OVCH1: variants seen among roughly 807,000 people sequenced by gnomAD.
The protein encoded by OVCH1 is ovochymase-1.
Under a neutral mutation model 138.4 loss-of-function variants are expected in OVCH1, and 139 were observed. That is an observed-to-expected ratio of 1.00 (90% confidence interval 0.87 to 1.16). The LOEUF (loss-of-function observed/expected upper bound fraction) is 1.16. Ranked by LOEUF, OVCH1 falls within the 50% of genes most tolerant of loss-of-function variation. The pLI, the probability that OVCH1 is intolerant of heterozygous loss-of-function variation, is 0.00. For synonymous variants in OVCH1, 453 were observed against 467.8 expected (o/e 0.97, Z 0.41); for missense variants, 1,367 against 1,357.9 (o/e 1.01, Z -0.11).
At chr12:29,466,023 C>G (rs1447142053) in intron 16 of OVCH1, among the ~76,000 whole-genome samples, 3 of 145,056 alleles carry the variant, frequency 2.1e-5, no homozygotes, top group African/African-American at 7.7e-5. Context: ...CGCATGTTCT[C>G]ACTCGTAGGT....
intron 22 of OVCH1, among the ~76,000 whole-genome samples, chr12:29,445,936 C>T (rs1481185764): frequency 1.3e-5 from 2 of 152,060 alleles, no homozygotes; most frequent in African/African-American, 4.8e-5. Context: ...TAGGATCAAA[C>T]TCTTCTAAAC....
Position 29,417,791 on chromosome 12 carries a change from GTGTC to G in OVCH1, c.*72-5070_*72-5067del, listed in dbSNP as rs979553620. Among the ~76,000 whole-genome samples, 16 of 139,520 alleles carry G rather than the reference GTGTC, an allele frequency of 1.1e-4. No individual in the cohort carries two copies. In the East Asian group the frequency reaches 2.3e-3, roughly 20 times the overall value. 91.5% of individuals were successfully genotyped at this position (139,520 alleles called of 152,430 possible). A position where few individuals can be genotyped will look rare whatever the true frequency, so the allele number is the denominator to read the frequency against. On this transcript the variant is annotated intron_variant and NMD_transcript_variant, in intron 3 of 4. Coordinates refer to the OVCH1 transcript ENST00000539117. Reference sequence around the variant, plus strand: ...TGTGTGTGTGTGTGTGTGTGTGTGTGTGTCTGTGTCTGTGTGTGTTTTAAGCAAC... The same window carrying G: ...TGTGTGTGTGTGTGTGTGTGTGTGTGTGTGTCTGTGTGTGTTTTAAGCAAC...
At chr12:29,486,316 C>A (rs755429258) in exon 8 of OVCH1, 3 of 1,613,738 alleles carry the variant, frequency 1.9e-6, no homozygotes, top group South Asian at 1.1e-5. Flanking sequence ...TACCTTGAGC[C>A]CACTTTTGAG....
At chr12:29,476,716 T>C (rs868741926) in intron 12 of OVCH1, among the ~76,000 whole-genome samples, 3 of 150,956 alleles carry the variant, frequency 2.0e-5, no homozygotes, top group Non-Finnish European at 4.4e-5. Context: ...TATTTTTCAG[T>C]GACCAAGGCA....
At chr12:29,464,570 T>C in exon 18 of OVCH1, 1 of 1,613,642 alleles carries the variant, frequency 6.2e-7, no homozygotes, top group African/African-American at 1.3e-5. Flanking sequence ...GGCTCTGCGC[T>C]GTGTGGGAGA....
downstream of OVCH1, chr12:29,427,538 T>G: frequency 6.4e-7 from 1 of 1,550,432 alleles, no homozygotes; most frequent in South Asian, 1.2e-5. Flanking sequence ...GGCCTCTTCC[T>G]CCATGTGAGG....
At chr12:29,432,837 C>T (rs181402699) in intron 27 of OVCH1, among the ~76,000 whole-genome samples, 2 of 152,068 alleles carry the variant, frequency 1.3e-5, no homozygotes, top group Non-Finnish European at 2.9e-5. Flanking sequence ...TTTTTGGAGA[C>T]CAAAACAAGT....
At chr12:29,447,376 C>A (rs887407456) in intron 22 of OVCH1, among the ~76,000 whole-genome samples, 4 of 152,056 alleles carry the variant, frequency 2.6e-5, no homozygotes, top group Non-Finnish European at 5.9e-5. Context: ...ATTAAATTGA[C>A]ATATTAGGTT....
At chr12:29,429,109 CTTTAA>C (rs1359911740) in intron 27 of OVCH1, among the ~76,000 whole-genome samples, 1 of 152,170 alleles carries the variant, frequency 6.6e-6, no homozygotes, top group Non-Finnish European at 1.5e-5. Context: ...CTTTTCTCCA[CTTTAA>C]TTTATCTGAG....
Position 29,438,477 on chromosome 12 carries a change from AT to A in OVCH1, c.3264+850del, listed in dbSNP as rs1333573571. On this transcript the variant is annotated intron_variant, in intron 26 of 27. Transcript: ENST00000318184. ...TCTTCATCCCTCCAGAAAAAAAAAA[AT>A]TCCATTGGGATTTAGTTGGAAAATA... 6.8e-5 allele frequency among the ~76,000 whole-genome samples: 10 copies of A among 147,826 alleles called. No homozygotes were observed. The East Asian group carries it at 1.8e-3, about 26-fold the overall frequency.
intron 23 of OVCH1, 72 bp from the exon 24 acceptor site, chr12:29,444,352 A>T: frequency 6.9e-7 from 1 of 1,441,826 alleles, no homozygotes; most frequent in Non-Finnish European, 9.4e-7. Context: ...GCCTTTTCAG[A>T]TCAAGGTAAA....
chr12:29,484,527 C>A (rs1029978503), intron 8 of OVCH1, among the ~76,000 whole-genome samples, 186 bp downstream of exon 9: 3 of 152,062 alleles, frequency 2.0e-5, no homozygotes, highest in Non-Finnish European at 4.4e-5. Context: ...TGGTGGCATG[C>A]CCGTGTAATC....
chr12:29,453,911 T>C (rs1451889957), intron 21 of OVCH1, among the ~76,000 whole-genome samples: 2 of 152,146 alleles, frequency 1.3e-5, no homozygotes, highest in African/African-American at 4.8e-5. Flanking sequence ...GCAATCCTAC[T>C]ATATCTTTCT....
chr12:29,475,064 A>C (rs1462466455), exon 14 of OVCH1: 1 of 1,584,402 alleles, frequency 6.3e-7, no homozygotes, highest in Non-Finnish European at 8.6e-7. Flanking sequence ...TACTCACCTG[A>C]GGGCAAAATG....
chr12:29,461,952 C>T (rs1304320391), exon 19 of OVCH1: 1 of 1,613,838 alleles, frequency 6.2e-7, no homozygotes, highest in Non-Finnish European at 8.5e-7. Flanking sequence ...TGTTCACAGA[C>T]CTCTCTTTCT....
chr12:29,455,251 T>C lies in OVCH1; in HGVS notation c.2435A>G (p.Asn812Ser), dbSNP rs369316489. ...AATAACATTTGAAAACAATTTACCA[T>C]TGATTTTTGATTGGATCCAGTCCAA... Residue 812 changes from asparagine to serine, a missense_variant and splice_region_variant, in exon 20 of 28, where the codon AAT (asparagine) becomes AGT (serine). Transcript: ENST00000318184. 2.7e-5 allele frequency: 43 copies of C among 1,611,188 alleles called. No individual in the cohort carries two copies. Among genetic ancestry groups the C allele is most frequent in the East Asian group, 2.2e-4 (10 of 44,864 alleles).
exon 22 of OVCH1, chr12:29,451,415 C>T (rs368927029): frequency 1.9e-6 from 3 of 1,613,218 alleles, no homozygotes; most frequent in African/African-American, 2.7e-5. Context: ...CAGGAGACCC[C>T]AGGAGTGACA....
chr12:29,489,704 A>C, exon 6 of OVCH1: 1 of 1,610,560 alleles, frequency 6.2e-7, no homozygotes, highest in Non-Finnish European at 8.5e-7. Flanking sequence ...TCTTGAGCAC[A>C]GTATTACACG....
chr12:29,475,307 G>C, intron 13 of OVCH1, 118 bp from the exon 14 acceptor site: 2 of 729,822 alleles, frequency 2.7e-6, no homozygotes, highest in Admixed American at 3.6e-5. Context: ...ACTTTGATTT[G>C]TATGCACCCT....
Sources: allele counts gnomAD v4.1 joint callset (sites outside exome capture counted in the v4.1 genomes callset), GRCh38; gene constraint gnomAD v4.1.1; transcripts MANE v1.5; gene names NCBI Gene and HGNC (gene_info 2026-07-23, HGNC 2026-07-21).